Variants in MYLK3 observed in about 807,000 individuals in gnomAD.
MYLK3 encodes myosin light chain kinase 3.
MYLK3 carries 55 observed loss-of-function variants against 76.3 expected under a neutral mutation model. That is an observed-to-expected ratio of 0.72 (90% CI 0.58 to 0.90). The LOEUF is 0.90. MYLK3 is among the 40% of genes least tolerant of loss of function. The probability of loss-of-function intolerance (pLI) is 0.00; values close to 1 mark genes in which losing one functional copy is unlikely to be tolerated. For missense variants in MYLK3, 973 were observed against 1,053.6 expected (o/e 0.92, Z 1.06); for synonymous variants, 416 against 425.4 (o/e 0.98, Z 0.27).
intron 3 of MYLK3, among the ~76,000 whole-genome samples, chr16:46,734,962 T>C (rs1277627800): frequency 2.6e-5 from 4 of 151,716 alleles, no homozygotes; most frequent in Non-Finnish European, 4.4e-5. Context: ...AGCAACATAG[T>C]GGGACCTGTC....
intron 9 of MYLK3, among the ~76,000 whole-genome samples, chr16:46,715,541 C>A (rs1966727881): frequency 6.6e-6 from 1 of 152,164 alleles, no homozygotes; most frequent in Non-Finnish European, 1.5e-5. Flanking sequence ...CTTACTCTGC[C>A]AAAGGATCTG....
At position 46,747,988 on chromosome 16, in the gene MYLK3, G is replaced by C. The variant is rs990007731; in HGVS notation, c.206C>G (p.Ala69Gly). 1 of 1,613,420 alleles carries C rather than the reference G, an allele frequency of 6.2e-7. No individual in the cohort carries two copies. Among genetic ancestry groups the C allele is most frequent in the South Asian group, 1.1e-5 (1 of 91,062 alleles). Residue 69 changes from alanine to glycine, a missense_variant, in exon 1 of 13, where the codon GCC (alanine) becomes GGC (glycine). By Grantham distance (60) the Ala-to-Gly change is moderately conservative. Around this residue, in one of 2 missense-constraint regions of MYLK3, gnomAD observed 641 missense variants for 637.0 expected, o/e 1.01. Transcript: ENST00000394809. ...HLERGLHRLE[A>G]SRAPGPGGAD... is the part of the protein sequence containing the mutation. ...CCCGCCCGGGCCCGGTGCCCGGGAG[G>C]CCTCCAGCCTGTGCAGGCCCCGCTC...
intron 4 of MYLK3, among the ~76,000 whole-genome samples, chr16:46,731,374 G>T (rs1216962615): frequency 6.6e-6 from 1 of 152,230 alleles, no homozygotes; most frequent in African/African-American, 2.4e-5. Flanking sequence ...TCCTTCAGAG[G>T]TGATATGAAT....
intron 1 of MYLK3, among the ~76,000 whole-genome samples, chr16:46,745,616 G>T (rs974188876): frequency 2.0e-5 from 3 of 152,022 alleles, no homozygotes; most frequent in Admixed American, 6.6e-5. Context: ...CATGGTGGAG[G>T]GCGTCTGTAA....
upstream of MYLK3, chr16:46,748,352 G>C: frequency 7.6e-7 from 1 of 1,323,108 alleles, no homozygotes; most frequent in South Asian, 1.6e-5. This position sits in a 1 kb window ranked among gnomAD's most constrained non-coding sequence, Gnocchi z 4.3. Flanking sequence ...TGTGAGGAGC[G>C]CAGAGGCCCA....
chr16:46,757,621 T>C (rs1596780671), intron 1 of MYLK3: 2 of 984,812 alleles, frequency 2.0e-6, no homozygotes, highest in Middle Eastern at 5.2e-4. Flanking sequence ...GGATGATTTC[T>C]CTGGAAGAAC....
intron 5 of MYLK3, 99 bp downstream of exon 5, chr16:46,730,494 G>A (rs888413569): frequency 1.1e-6 from 1 of 951,690 alleles, no homozygotes; most frequent in African/African-American, 1.6e-5. Context: ...GCTCGAGAGA[G>A]AGTCATCCTG....
At chr16:46,734,774 A>G (rs898393747) in intron 3 of MYLK3, among the ~76,000 whole-genome samples, 8 of 152,208 alleles carry the variant, frequency 5.3e-5, no homozygotes, top group African/African-American at 1.9e-4. Context: ...CAGTTTTGCT[A>G]GATGGAAACG....
chr16:46,758,320 T>C (rs1157918415), intron 1 of MYLK3, among the ~76,000 whole-genome samples: 1 of 148,164 alleles, frequency 6.7e-6, no homozygotes, highest in Non-Finnish European at 1.5e-5. Context: ...TCTCTCTCTC[T>C]CTCTCTCTCT....
In MYLK3 at chr16:46,732,481, C is replaced by T; in HGVS notation, c.1189G>A (p.Ala397Thr). The change falls in exon 4 of 13, where the codon GCC becomes ACC. Residue 397 changes from alanine (A) to threonine (T), a missense_variant. Physicochemically the swap from Ala to Thr is moderately conservative, Grantham distance 58. This residue lies in a region of MYLK3 where 641 missense variants were observed against 637.0 expected (regional missense o/e 1.01). Coordinates refer to ENST00000394809, the MANE Select transcript of MYLK3 (RefSeq NM_182493.3). ...TCCTGCAGCGGGGAGAGCTCTCTGGCTCCTTCAGGGGTCTGTTCTCCGGGC... is the reference window on the plus strand; with the variant it reads ...TCCTGCAGCGGGGAGAGCTCTCTGGTTCCTTCAGGGGTCTGTTCTCCGGGC... Reference protein sequence around the residue: ...TEPGEQTPEGARELSPLQESS... With the variant: ...TEPGEQTPEGTRELSPLQESS... 1.9e-6 allele frequency: 3 copies of T among 1,609,842 alleles called. No homozygotes were observed. Among genetic ancestry groups the T allele is most frequent in the Non-Finnish European group, 2.5e-6 (3 of 1,179,992 alleles).
intron 3 of MYLK3, 110 bp downstream of exon 3, chr16:46,737,601 G>C: frequency 9.0e-7 from 1 of 1,109,374 alleles, no homozygotes; most frequent in Non-Finnish European, 1.3e-6. Flanking sequence ...CATTCCCCTC[G>C]CAAGAACAGC....
intron 9 of MYLK3, among the ~76,000 whole-genome samples, chr16:46,717,028 A>T (rs1966747437): frequency 6.6e-6 from 1 of 152,108 alleles, no homozygotes; most frequent in Non-Finnish European, 1.5e-5. Flanking sequence ...TATTTCCTTG[A>T]GTTATTTGAG....
chr16:46,744,663 G>A (rs1049433823), intron 1 of MYLK3, among the ~76,000 whole-genome samples: 2 of 151,716 alleles, frequency 1.3e-5, no homozygotes, highest in African/African-American at 4.8e-5. Context: ...TAAAGTATAA[G>A]ATAATCAGGG....
upstream of MYLK3, among the ~76,000 whole-genome samples, chr16:46,751,771 C>A (rs1030852964): frequency 6.6e-6 from 1 of 152,254 alleles, no homozygotes; most frequent in African/African-American, 2.4e-5. Context: ...ATATTGCAGG[C>A]AGTTCCTGGG....
chr16:46,762,225 A>G (rs1036546396), intron 1 of MYLK3, among the ~76,000 whole-genome samples: 2 of 152,238 alleles, frequency 1.3e-5, no homozygotes, highest in African/African-American at 4.8e-5. Flanking sequence ...TATACATAGA[A>G]TCCCATTTTT....
At chr16:46,731,000 C>T (rs1279921820) in intron 4 of MYLK3, among the ~76,000 whole-genome samples, 1 of 152,232 alleles carries the variant, frequency 6.6e-6, no homozygotes, top group African/African-American at 2.4e-5. Flanking sequence ...ATCTGTGTGG[C>T]CCACAGGAAA....
At chr16:46,729,285 C>G in intron 6 of MYLK3, 152 bp from the exon 7 acceptor site, 1 of 672,954 alleles carries the variant, frequency 1.5e-6, no homozygotes, top group South Asian at 1.8e-5. Context: ...AAACCAGATT[C>G]TACAACACAA....
chr16:46,729,918 C>T (rs1966849105), intron 5 of MYLK3: 1 of 595,960 alleles, frequency 1.7e-6, no homozygotes, highest in East Asian at 2.8e-5. Flanking sequence ...TCCCCTCATC[C>T]CTCACCACTG....
At chr16:46,742,861 C>T (rs1230796698) in intron 1 of MYLK3, among the ~76,000 whole-genome samples, 1 of 152,218 alleles carries the variant, frequency 6.6e-6, no homozygotes, top group Non-Finnish European at 1.5e-5. Context: ...CTTCTGCAGG[C>T]TCTGTCCTGC....
Sources: allele counts gnomAD v4.1 joint callset (sites outside exome capture counted in the v4.1 genomes callset), GRCh38; gene constraint gnomAD v4.1.1; regional missense constraint gnomAD v4.1.1; non-coding constraint Gnocchi (gnomAD v3.1); transcripts MANE v1.5; gene names NCBI Gene and HGNC (gene_info 2026-07-23, HGNC 2026-07-21).